RHOQ: variants seen among roughly 807,000 people sequenced by gnomAD.
RHOQ encodes the protein rho-related GTP-binding protein RhoQ.
A neutral mutation model predicts 25.8 loss-of-function variants in RHOQ; 7 were observed. The observed-to-expected ratio is 0.27, with a 90% CI of 0.15 to 0.51. The LOEUF is 0.51. RHOQ is among the 20% of genes least tolerant of loss of function. RHOQ has a pLI of 0.97. For missense variants in RHOQ, 165 were observed against 260.6 expected (o/e 0.63, Z 2.53); for synonymous variants, 97 against 98.6 (o/e 0.98, Z 0.10).
chr2:46,542,541 G>C lies in RHOQ; in HGVS notation c.-506G>C, dbSNP rs1041149607. ...CCCTCGCAGGGAGTGGGGCTCGGGT[G>C]CGCCGGCAGGGCCGCGCGGCGGCAG... On this transcript the variant is annotated 5_prime_UTR_variant, in exon 1 of 5. Coordinates refer to ENST00000238738, the MANE Select transcript of RHOQ (RefSeq NM_012249.4). 2.0e-5 allele frequency: 3 copies of C among 148,776 alleles called. No individual in the cohort carries two copies. Among genetic ancestry groups the C allele is most frequent in the African/African-American group, 7.3e-5 (3 of 41,068 alleles). 9.2% of individuals were successfully genotyped at this position (148,776 alleles called of 1,614,324 possible).
intron 2 of RHOQ, among the ~76,000 whole-genome samples, chr2:46,550,125 C>G (rs1668196649): frequency 1.3e-5 from 2 of 151,542 alleles, no homozygotes; most frequent in Non-Finnish European, 2.9e-5. Flanking sequence ...CCCAGCTACT[C>G]AGGAGGCTGA....
At chr2:46,554,605 T>C (rs1668355541) in intron 2 of RHOQ, among the ~76,000 whole-genome samples, 1 of 152,068 alleles carries the variant, frequency 6.6e-6, no homozygotes, top group Non-Finnish European at 1.5e-5. Flanking sequence ...ATGACGTCCT[T>C]TCTGTGTTAA....
intron 1 of RHOQ, 37 bp from the exon 2 acceptor site, chr2:46,543,717 T>A: frequency 6.3e-7 from 1 of 1,599,852 alleles, no homozygotes; most frequent in Non-Finnish European, 8.5e-7. Flanking sequence ...CAGGTCACTG[T>A]GAGCTTCTCT....
intron 2 of RHOQ, among the ~76,000 whole-genome samples, chr2:46,567,998 G>A (rs767911920): frequency 6.6e-6 from 1 of 152,192 alleles, no homozygotes; most frequent in South Asian, 2.1e-4. Context: ...GAGCCCAGGA[G>A]GTCAAGGCTG....
In RHOQ at chr2:46,546,474, GTGTATATATA is replaced by G. The variant is rs1426129852; in HGVS notation, c.201+2664_201+2673del. On this transcript the variant is annotated intron_variant, in intron 2 of 4. Coordinates refer to ENST00000238738, the MANE Select transcript of RHOQ (RefSeq NM_012249.4). Reference sequence around the variant, plus strand: ...TACATATATATATATATATATATATGTGTATATATATATATATATATATATATATATATAT... The same window carrying G: ...TACATATATATATATATATATATATGTATATATATATATATATATATATAT... Among the ~76,000 whole-genome samples, 59 of 16,954 alleles carry G rather than the reference GTGTATATATA, an allele frequency of 3.5e-3. 4 individuals are homozygous for G. The highest frequency in any genetic ancestry group is 0.01 in the East Asian group (5 of 480). 11.1% of individuals were successfully genotyped at this position (16,954 alleles called of 152,430 possible). A position where few individuals can be genotyped will look rare whatever the true frequency, so the allele number is the denominator to read the frequency against.
chr2:46,581,852 T>C lies in RHOQ; in HGVS notation c.*769T>C, dbSNP rs1180029359. On this transcript the variant is annotated 3_prime_UTR_variant, in exon 5 of 5. Coordinates refer to ENST00000238738, the MANE Select transcript of RHOQ (RefSeq NM_012249.4). ...AAAGTGCATGAGACACATGCTAAAA[T>C]TACAAATTAAAATTTTGGGTCAGAC... The C allele has an allele frequency of 3.2e-5, 10 of 313,240 alleles. No individual in the cohort carries two copies. Among genetic ancestry groups the C allele is most frequent in the Non-Finnish European group, 5.2e-5 (9 of 174,474 alleles). 19.4% of individuals were successfully genotyped at this position (313,240 alleles called of 1,614,324 possible). A position where few individuals can be genotyped will look rare whatever the true frequency, so the allele number is the denominator to read the frequency against.
chr2:46,564,447 C>T (rs1668666141), intron 2 of RHOQ, among the ~76,000 whole-genome samples: 1 of 152,144 alleles, frequency 6.6e-6, no homozygotes, highest in African/African-American at 2.4e-5. Flanking sequence ...TTTGAAAGGG[C>T]CTGTTCTGTG....
chr2:46,572,227 T>G (rs921607786), intron 2 of RHOQ, among the ~76,000 whole-genome samples: 1 of 146,742 alleles, frequency 6.8e-6, no homozygotes, highest in Admixed American at 7.0e-5. Context: ...CTGAGCCTCC[T>G]GAGTAGCTGG....
At chr2:46,554,863 A>G (rs1668364648) in intron 2 of RHOQ, among the ~76,000 whole-genome samples, 1 of 148,978 alleles carries the variant, frequency 6.7e-6, no homozygotes, top group Admixed American at 6.7e-5. Flanking sequence ...GGTTGGGATT[A>G]TAAATGAGTT....
rs1208106359 is a variant in RHOQ, at chr2:46,569,581, GTTA to G, written c.202-6505_202-6503del. ...TTTCCTCCAGCCAACCTAAACAGGA[GTTA>G]CAATCAGTCAGGTGGCCAAAAGGAA... On this transcript the variant is annotated intron_variant, in intron 2 of 4. Coordinates refer to ENST00000238738, the MANE Select transcript of RHOQ (RefSeq NM_012249.4). The surrounding 1 kb of genome is among the most constrained non-coding windows in gnomAD (Gnocchi z 4.1). The G allele has an allele frequency of 1.3e-5, 2 of 152,296 alleles. No homozygotes were observed. The highest frequency in any genetic ancestry group is 4.8e-5 in the African/African-American group (2 of 41,568). 9.4% of individuals were successfully genotyped at this position (152,296 alleles called of 1,614,324 possible).
chr2:46,564,807 G>A (rs1247430152), intron 2 of RHOQ, among the ~76,000 whole-genome samples: 2 of 152,220 alleles, frequency 1.3e-5, no homozygotes, highest in Non-Finnish European at 2.9e-5. Context: ...TGAGAGGGCT[G>A]CTCTGGTAGA....
At chr2:46,545,116 C>T (rs1322109789) in intron 2 of RHOQ, among the ~76,000 whole-genome samples, 1 of 152,192 alleles carries the variant, frequency 6.6e-6, no homozygotes, top group Non-Finnish European at 1.5e-5. Flanking sequence ...CCCCCTTTCA[C>T]CAAAATGGCC....
chr2:46,558,587 C>T (rs1163315876), intron 2 of RHOQ, among the ~76,000 whole-genome samples: 1 of 152,136 alleles, frequency 6.6e-6, no homozygotes. Flanking sequence ...CCATTTTAAC[C>T]TCCTGAAATT....
chr2:46,545,140 C>G (rs1668004354), intron 2 of RHOQ, among the ~76,000 whole-genome samples: 2 of 152,188 alleles, frequency 1.3e-5, no homozygotes, highest in Admixed American at 6.5e-5. Context: ...GTCAGTACAG[C>G]CAGTTCTCAG....
chr2:46,558,246 C>T (rs1017711086), intron 2 of RHOQ, among the ~76,000 whole-genome samples: 2 of 152,158 alleles, frequency 1.3e-5, no homozygotes, highest in Non-Finnish European at 2.9e-5. Context: ...TTCTCTTTGC[C>T]TCTATCTCTT....
At chr2:46,572,342 A>G (rs1430072560) in intron 2 of RHOQ, among the ~76,000 whole-genome samples, 3 of 151,580 alleles carry the variant, frequency 2.0e-5, no homozygotes, top group Non-Finnish European at 4.4e-5. Flanking sequence ...GACTCAAGCA[A>G]TCTCCCCACC....
At chr2:46,544,080 G>C (rs1224138573) in intron 2 of RHOQ, among the ~76,000 whole-genome samples, 1 of 152,132 alleles carries the variant, frequency 6.6e-6, no homozygotes, top group African/African-American at 2.4e-5. Flanking sequence ...TGGTGTGTGG[G>C]TCCCAACTCC....
rs928565661 is a variant in RHOQ, at chr2:46,584,586, A to C, written c.*3503A>C. Among the ~76,000 whole-genome samples the C allele has an allele frequency of 1.3e-5, 2 of 152,180 alleles. No individual in the cohort carries two copies. Among genetic ancestry groups the C allele is most frequent in the African/African-American group, 4.8e-5 (2 of 41,446 alleles). On this transcript the variant is annotated 3_prime_UTR_variant, in exon 5 of 5. Coordinates refer to ENST00000238738, the MANE Select transcript of RHOQ (RefSeq NM_012249.4). ...ATGAAATGTTAAAAAATTTTGTCTA[A>C]TGAAGGGTTACGGCTTGGAACACTT...
chr2:46,572,803 T>C, intron 2 of RHOQ: 1 of 445,528 alleles, frequency 2.2e-6, no homozygotes, highest in Non-Finnish European at 4.5e-6. Context: ...GCAGTTGCTC[T>C]ACATTTGACT....
Sources: allele counts gnomAD v4.1 joint callset (sites outside exome capture counted in the v4.1 genomes callset), GRCh38; gene constraint gnomAD v4.1.1; non-coding constraint Gnocchi (gnomAD v3.1); transcripts MANE v1.5; gene names NCBI Gene and HGNC (gene_info 2026-07-23, HGNC 2026-07-21).